The following ATF6 variants were observed in gnomAD, a reference collection of about 807,000 sequenced individuals.
ATF6 encodes activating transcription factor 6, also known as cyclic AMP-dependent transcription factor ATF-6 alpha.
In ATF6, 53 loss-of-function variants were observed where a neutral mutation model predicts 83.6. The observed-to-expected ratio is 0.63, with a 90% CI of 0.51 to 0.80. ATF6 has a LOEUF of 0.80. Ranked by LOEUF, ATF6 falls within the 30% of genes least tolerant of loss-of-function variation. The probability of loss-of-function intolerance (pLI) is 0.00; values close to 1 mark genes in which losing one functional copy is unlikely to be tolerated. For missense variants in ATF6, 744 were observed against 797.9 expected (o/e 0.93, Z 0.81); for synonymous variants, 288 against 285.8 (o/e 1.01, Z -0.08).
At chr1:161,884,847 A>G (rs751463278) in intron 14 of ATF6, among the ~76,000 whole-genome samples, 2 of 152,172 alleles carry the variant, frequency 1.3e-5, no homozygotes, top group Non-Finnish European at 2.9e-5. Flanking sequence ...AAGCATATAA[A>G]TTCTTTGGCT....
intron 14 of ATF6, among the ~76,000 whole-genome samples, chr1:161,902,184 C>A (rs1020185091): frequency 6.6e-6 from 1 of 152,080 alleles, no homozygotes; most frequent in African/African-American, 2.4e-5. Context: ...AACAATAATT[C>A]GCCATTATTT....
intron 9 of ATF6, among the ~76,000 whole-genome samples, chr1:161,833,334 A>G (rs1686120546): frequency 6.6e-6 from 1 of 152,188 alleles, no homozygotes; most frequent in Non-Finnish European, 1.5e-5. Context: ...CAGAAACTCT[A>G]AAAATCAGAG....
intron 15 of ATF6, among the ~76,000 whole-genome samples, chr1:161,915,325 A>G (rs1688074554): frequency 6.6e-6 from 1 of 152,190 alleles, no homozygotes; most frequent in Non-Finnish European, 1.5e-5. Context: ...CAGCTTCCTC[A>G]TCTGTAAAAG....
intron 15 of ATF6, among the ~76,000 whole-genome samples, chr1:161,955,338 G>A (rs954195507): frequency 6.6e-6 from 1 of 152,178 alleles, no homozygotes; most frequent in Non-Finnish European, 1.5e-5. Context: ...AACGATTGAA[G>A]GTGGCTTTCT....
chr1:161,769,303 A>G (rs1346955778), intron 1 of ATF6, among the ~76,000 whole-genome samples: 1 of 152,250 alleles, frequency 6.6e-6, no homozygotes, highest in Non-Finnish European at 1.5e-5. Context: ...CAGATAGTAC[A>G]AAGAGTCCAC....
chr1:161,789,997 G>A (rs1684840204), intron 4 of ATF6, among the ~76,000 whole-genome samples: 2 of 151,992 alleles, frequency 1.3e-5, no homozygotes, highest in Non-Finnish European at 1.5e-5. Flanking sequence ...ATCCTCTCAA[G>A]GTCATTTAAA....
chr1:161,789,672 A>G (rs1201403050), intron 4 of ATF6, among the ~76,000 whole-genome samples: 3 of 152,214 alleles, frequency 2.0e-5, no homozygotes, highest in African/African-American at 7.2e-5. Flanking sequence ...ATTGTAATGC[A>G]TTCAGCATTG....
At chr1:161,956,760 A>C (rs537469177) in intron 15 of ATF6, among the ~76,000 whole-genome samples, 88 of 152,366 alleles carry the variant, frequency 5.8e-4, no homozygotes, top group Non-Finnish European at 1.1e-3. Context: ...ACATTGGAAC[A>C]AATGAGTGAC....
intron 15 of ATF6, among the ~76,000 whole-genome samples, chr1:161,943,842 C>A (rs1010843648): frequency 6.6e-6 from 1 of 152,182 alleles, no homozygotes; most frequent in Non-Finnish European, 1.5e-5. Context: ...TTAGTTTTAT[C>A]CTTAGTCTTT....
At position 161,880,787 on chromosome 1, in the gene ATF6, G is replaced by A. The variant is rs182167840; in HGVS notation, c.1719+17475G>A. Among the ~76,000 whole-genome samples, 13 of 152,182 alleles carry A rather than the reference G, an allele frequency of 8.5e-5. No individual in the cohort carries two copies. The East Asian group carries it at 2.1e-3, about 25-fold the overall frequency. On this transcript the variant is annotated intron_variant, in intron 14 of 15. Transcript: ENST00000367942. ...AGGAGTGGGATGGCTGGGTTATATA[G>A]TAGGCATATGTTTAGCTTTTTAAGA...
chr1:161,915,920 G>A (rs1244185943), intron 15 of ATF6, among the ~76,000 whole-genome samples: 1 of 152,116 alleles, frequency 6.6e-6, no homozygotes, highest in Non-Finnish European at 1.5e-5. Flanking sequence ...ACTGCACCCA[G>A]CCCAAAATGT....
At chr1:161,785,783 G>GTTGTAAAA (rs1352564464) in intron 4 of ATF6, among the ~76,000 whole-genome samples, 1 of 152,040 alleles carries the variant, frequency 6.6e-6, no homozygotes, top group African/African-American at 2.4e-5. Context: ...CTCTATAGGG[G>GTTGTAAAA]TTGTAAAATT....
At chr1:161,932,005 A>T (rs1477299952) in intron 15 of ATF6, among the ~76,000 whole-genome samples, 1 of 152,184 alleles carries the variant, frequency 6.6e-6, no homozygotes, top group African/African-American at 2.4e-5. Context: ...TATAATAGAA[A>T]AGAGTAATTG....
chr1:161,866,366 C>T (rs1485082069), intron 14 of ATF6, among the ~76,000 whole-genome samples: 6 of 152,110 alleles, frequency 3.9e-5, no homozygotes, highest in Admixed American at 1.3e-4. Flanking sequence ...TACAGTTGAG[C>T]GGTTGAAATT....
Position 161,958,512 on chromosome 1 carries a change from G to A in ATF6, c.1871G>A (p.Arg624Lys). ...ATTGACTGTCAGGTGATGGACACCA[G>A]GATCCTCCATATCAAAAGTTCGTCA... is the stretch of plus-strand genomic sequence containing the variant. The part of the protein sequence containing the change: ...MQIDCQVMDT[R>K]ILHIKSSSVP... Residue 624 changes from arginine to lysine, a missense_variant, in exon 16 of 16, where the codon AGG becomes AAG. Physicochemically the swap from Arg to Lys is conservative, Grantham distance 26 (BLOSUM62 2). Coordinates refer to ENST00000367942, the MANE Select transcript of ATF6 (RefSeq NM_007348.4). 1.2e-6 allele frequency: 2 copies of A among 1,613,770 alleles called. No homozygotes were observed. The highest frequency in any genetic ancestry group is 4.5e-5 in the East Asian group (2 of 44,874).
At chr1:161,767,387 T>A (rs1219031440) in intron 1 of ATF6, among the ~76,000 whole-genome samples, 1 of 152,236 alleles carries the variant, frequency 6.6e-6, no homozygotes, top group Non-Finnish European at 1.5e-5. Flanking sequence ...TCTAAAACTA[T>A]ATTCTATTGG....
chr1:161,794,087 A>G (rs1383832710), intron 6 of ATF6, among the ~76,000 whole-genome samples: 1 of 151,800 alleles, frequency 6.6e-6, no homozygotes, highest in Non-Finnish European at 1.5e-5. Context: ...TTATATTTTT[A>G]GTAGAGACAG....
chr1:161,934,505 A>G (rs1688501639), intron 15 of ATF6, among the ~76,000 whole-genome samples: 1 of 152,162 alleles, frequency 6.6e-6, no homozygotes, highest in African/African-American at 2.4e-5. Context: ...TGGCTGTACC[A>G]CATTCTTTCC....
chr1:161,824,047 C>G (rs1685824573), intron 9 of ATF6, among the ~76,000 whole-genome samples: 1 of 152,168 alleles, frequency 6.6e-6, no homozygotes, highest in South Asian at 2.1e-4. Flanking sequence ...AAATTGCCTT[C>G]CAAAAAGACT....
Sources: allele counts gnomAD v4.1 joint callset (sites outside exome capture counted in the v4.1 genomes callset), GRCh38; gene constraint gnomAD v4.1.1; transcripts MANE v1.5; gene names NCBI Gene and HGNC (gene_info 2026-07-23, HGNC 2026-07-21).